Variants in OVCH1 observed in about 807,000 individuals in gnomAD.
OVCH1 encodes ovochymase-1.
In OVCH1, 139 loss-of-function variants were observed where a neutral mutation model predicts 138.4. The observed-to-expected ratio is 1.00, with a 90% CI of 0.87 to 1.16. The LOEUF is 1.16. OVCH1 is among the 50% of genes most tolerant of loss of function. The pLI is 0.00. For synonymous variants in OVCH1, 453 were observed against 467.8 expected (o/e 0.97, Z 0.41); for missense variants, 1,367 against 1,357.9 (o/e 1.01, Z -0.11).
intron 25 of OVCH1, chr12:29,439,574 TCA>T: frequency 9.0e-7 from 1 of 1,112,110 alleles, no homozygotes; most frequent in South Asian, 2.3e-5. Context: ...ACTTTACCTC[TCA>T]CACCAGATGT....
chr12:29,443,594 C>A, intron 24 of OVCH1, 94 bp from the exon 25 acceptor site: 1 of 1,242,740 alleles, frequency 8.0e-7, no homozygotes, highest in Non-Finnish European at 1.1e-6. Context: ...ATGTTATTGA[C>A]CCCCAGTGAG....
chr12:29,456,564 T>A (rs1310989226), intron 19 of OVCH1, among the ~76,000 whole-genome samples: 1 of 152,240 alleles, frequency 6.6e-6, no homozygotes, highest in African/African-American at 2.4e-5. Flanking sequence ...ACAGTGGTAT[T>A]GTTATTAAGG....
intron 21 of OVCH1, among the ~76,000 whole-genome samples, chr12:29,453,804 C>G (rs971338180): frequency 6.6e-6 from 1 of 152,092 alleles, no homozygotes; most frequent in African/African-American, 2.4e-5. Context: ...GCATCTACCT[C>G]AGTGCATCCA....
chr12:29,455,182 C>A, intron 20 of OVCH1, 67 bp downstream of exon 20: 1 of 1,522,638 alleles, frequency 6.6e-7, no homozygotes, highest in Non-Finnish European at 8.9e-7. Context: ...TTATACCACA[C>A]TCACTGTTCC....
chr12:29,466,304 A>C (rs1942317986), intron 16 of OVCH1, among the ~76,000 whole-genome samples: 1 of 142,764 alleles, frequency 7.0e-6, no homozygotes, highest in Non-Finnish European at 1.5e-5. Flanking sequence ...TTAATACTGT[A>C]TTTATCTCAG....
At chr12:29,460,596 C>A (rs1212450528) in intron 19 of OVCH1, among the ~76,000 whole-genome samples, 1 of 152,064 alleles carries the variant, frequency 6.6e-6, no homozygotes, top group African/African-American at 2.4e-5. Context: ...AACTATGGCT[C>A]AAGGGAAAGT....
the OVCH1 span, among the ~76,000 whole-genome samples, chr12:29,406,298 T>TTTTA: frequency 6.6e-6 from 1 of 152,100 alleles, no homozygotes; most frequent in Non-Finnish European, 1.5e-5. Context: ...GTCACCTTTA[T>TTTTA]TTTATTTATT....
chr12:29,403,008 C>A, the OVCH1 span, among the ~76,000 whole-genome samples: 1 of 152,160 alleles, frequency 6.6e-6, no homozygotes, highest in African/African-American at 2.4e-5. Context: ...CCTCAGTTAC[C>A]TCCAGCCTTA....
chr12:29,471,695 C>T (rs1341709290), intron 16 of OVCH1, 107 bp downstream of exon 16: 2 of 1,247,282 alleles, frequency 1.6e-6, no homozygotes, highest in Admixed American at 3.2e-5. Flanking sequence ...AAAGAAGATT[C>T]TTGCTCTAGA....
At chr12:29,406,694 C>T in the OVCH1 span, among the ~76,000 whole-genome samples, 1 of 146,710 alleles carries the variant, frequency 6.8e-6, no homozygotes, top group Non-Finnish European at 1.5e-5. Context: ...TTTTCTTAAT[C>T]CAGTCTATCA....
rs1942275156 is a variant in OVCH1, at chr12:29,465,227, CAGA to C, written c.1857-11_1857-9del. ...GAGAGTGGATTATTCTTCCTGGAGA[CAGA>C]AGAACAGTGAAAGTTTGACATGAAA... On this transcript the variant is annotated splice_polypyrimidine_tract_variant and intron_variant, in intron 16 of 27. Transcript: ENST00000318184. 1.9e-6 allele frequency: 3 copies of C among 1,584,226 alleles called. No individual in the cohort carries two copies. The highest frequency in any genetic ancestry group is 2.6e-6 in the Non-Finnish European group (3 of 1,164,040).
chr12:29,489,797 GCA>G (rs777843254), intron 5 of OVCH1, 26 bp from the exon 6 acceptor site: 8 of 1,597,808 alleles, frequency 5.0e-6, no homozygotes, highest in Non-Finnish European at 6.8e-6. Context: ...AGATAAGTTA[GCA>G]CACAATATCC....
At chr12:29,445,252 C>T in intron 23 of OVCH1, 26 bp downstream of exon 23, 4 of 1,584,426 alleles carry the variant, frequency 2.5e-6, no homozygotes, top group South Asian at 2.3e-5. Flanking sequence ...TTAGCCTTTA[C>T]AAGTTTATAA....
chr12:29,429,608 A>G (rs1331045027), intron 27 of OVCH1, among the ~76,000 whole-genome samples: 1 of 152,240 alleles, frequency 6.6e-6, no homozygotes, highest in African/African-American at 2.4e-5. Flanking sequence ...CACAGTTCAA[A>G]GATTCTTCTG....
chr12:29,441,931 C>G lies in OVCH1; in HGVS notation c.3157+1430G>C, dbSNP rs532251505. Among the ~76,000 whole-genome samples, 353 of 152,230 alleles carry G rather than the reference C, an allele frequency of 2.3e-3. 2 individuals carry two copies. The highest frequency in any genetic ancestry group is 8.2e-3 in the African/African-American group (340 of 41,532). ...TCAAAACCACAATGAGATACCATCT[C>G]ACACCAGTCAGAATGGCGATCATTA... On this transcript the variant is annotated intron_variant, in intron 25 of 27. Coordinates refer to ENST00000318184, the Ensembl canonical transcript of OVCH1.
intron 19 of OVCH1, among the ~76,000 whole-genome samples, chr12:29,461,296 T>C (rs571081717): frequency 1.3e-5 from 2 of 152,324 alleles, no homozygotes; most frequent in African/African-American, 4.8e-5. Context: ...ATTCTTCCAT[T>C]GACTTTGTGA....
intron 27 of OVCH1, among the ~76,000 whole-genome samples, chr12:29,429,796 T>G (rs1941238140): frequency 6.6e-6 from 1 of 152,120 alleles, no homozygotes; most frequent in Non-Finnish European, 1.5e-5. Flanking sequence ...AAATATACAA[T>G]AATCAAAAAG....
Position 29,477,324 on chromosome 12 carries a change from A to G in OVCH1, c.1246+17T>C, listed in dbSNP as rs753858046. 1 of 1,613,874 alleles carries G rather than the reference A, an allele frequency of 6.2e-7. No homozygotes were observed. Among genetic ancestry groups the G allele is most frequent in the South Asian group, 1.1e-5 (1 of 91,060 alleles). On this transcript the variant is annotated intron_variant, in intron 11 of 27. Coordinates refer to ENST00000318184, the Ensembl canonical transcript of OVCH1. ...TCAAGGGAAAATGGCAAGGAATTAA[A>G]TACCTGAAACACTCACCTGCTTCTG...
At chr12:29,491,698 T>C (rs1270988339) in intron 4 of OVCH1, among the ~76,000 whole-genome samples, 4 of 152,078 alleles carry the variant, frequency 2.6e-5, no homozygotes, top group African/African-American at 9.7e-5. Context: ...TCCAAATCTT[T>C]AGAAAAAAGC....
Sources: gnomAD v4.1 joint callset for allele counts (sites outside exome capture counted in the v4.1 genomes callset) on GRCh38, gnomAD v4.1.1 for gene constraint, MANE v1.5 for transcripts, NCBI Gene and HGNC (gene_info 2026-07-23, HGNC 2026-07-21) for gene names.